The following GRIN2A variants were observed in gnomAD, a reference collection of about 807,000 sequenced individuals.
GRIN2A encodes the protein glutamate receptor ionotropic, NMDA 2A.
In GRIN2A, 22 loss-of-function variants were observed where a neutral mutation model predicts 113.4. The observed-to-expected ratio is 0.19, with a 90% CI of 0.14 to 0.28. The LOEUF is 0.28. Among genes scored for constraint, GRIN2A ranks in the 10% least tolerant of loss-of-function variants. The pLI, the probability that GRIN2A is intolerant of heterozygous loss-of-function variation, is 1.00. For missense variants in GRIN2A, 1,502 were observed against 1,887.0 expected, an observed-to-expected ratio of 0.80 and a Z score of 3.78; for synonymous variants, 827 against 738.4, an observed-to-expected ratio of 1.12 and a Z score of -1.94.
At chr16:10,067,369 G>C (rs17671033) in intron 2 of GRIN2A, among the ~76,000 whole-genome samples, 1 of 151,736 alleles carries the variant, frequency 6.6e-6, no homozygotes, top group African/African-American at 2.4e-5. Context: ...TTATCTCCCC[G>C]TAAACATACT....
chr16:9,783,186 G>A (rs1049041244), intron 11 of GRIN2A, among the ~76,000 whole-genome samples: 1 of 152,146 alleles, frequency 6.6e-6, no homozygotes, highest in African/African-American at 2.4e-5. Flanking sequence ...ACATACGTGG[G>A]AGCAATAATG....
At chr16:9,874,453 T>A (rs994067039) in intron 4 of GRIN2A, among the ~76,000 whole-genome samples, 5 of 152,220 alleles carry the variant, frequency 3.3e-5, no homozygotes, top group African/African-American at 1.2e-4. Flanking sequence ...AACAGACATG[T>A]GGTTCAGCAG....
At chr16:9,910,865 C>T (rs1400022368) in intron 3 of GRIN2A, among the ~76,000 whole-genome samples, 1 of 152,000 alleles carries the variant, frequency 6.6e-6, no homozygotes, top group Non-Finnish European at 1.5e-5. Context: ...CAATCTTCTG[C>T]CCCTGAATCA....
At chr16:9,836,770 A>C (rs1361547705) in intron 7 of GRIN2A, among the ~76,000 whole-genome samples, 4 of 152,252 alleles carry the variant, frequency 2.6e-5, no homozygotes, top group African/African-American at 9.6e-5. Flanking sequence ...ATAGTGTCTA[A>C]GGAGTGACCC....
rs761213659 is a variant in GRIN2A at position 9,763,529 on chromosome 16, TC to T, written c.4014del (p.Ser1341AlafsTer56). The T allele has an allele frequency of 2.5e-6, 4 of 1,613,994 alleles. No individual in the cohort carries two copies. The highest frequency in any genetic ancestry group is 3.4e-6 in the Non-Finnish European group (4 of 1,179,988). On this transcript the variant is annotated frameshift_variant, in exon 13 of 13. Coordinates refer to ENST00000330684, the MANE Select transcript of GRIN2A (RefSeq NM_001134407.3). LOFTEE classifies it high-confidence loss of function. ...LFSVPSSKLS[G>X]KKSSLFPQGL... Reference sequence around the variant, plus strand: ...CCTTGGGGGAAAAGGGAGCTTTTTTTCCCCGAGAGTTTGCTTGAGGGGACAC... The same window carrying T: ...CCTTGGGGGAAAAGGGAGCTTTTTTTCCCGAGAGTTTGCTTGAGGGGACAC...
intron 10 of GRIN2A, among the ~76,000 whole-genome samples, chr16:9,799,750 C>T (rs1482061048): frequency 6.6e-6 from 1 of 152,122 alleles, no homozygotes; most frequent in African/African-American, 2.4e-5. Flanking sequence ...CATGTGAATA[C>T]ACATAGCACT....
chr16:10,026,433 T>A (rs1372527985), intron 2 of GRIN2A, among the ~76,000 whole-genome samples: 3 of 151,502 alleles, frequency 2.0e-5, no homozygotes, highest in Admixed American at 1.3e-4. Flanking sequence ...TTTCTCTGCA[T>A]CTTGAAGGTA....
In GRIN2A at chr16:9,924,958, G is replaced by A. The variant is rs116491551; in HGVS notation, c.1007+13001C>T. Among the ~76,000 whole-genome samples, 1,330 of 152,200 alleles carry A rather than the reference G, an allele frequency of 8.7e-3. 22 individuals carry two copies. The highest frequency in any genetic ancestry group is 0.03 in the African/African-American group (1,258 of 41,520). ...ACTCTCTATAGTAATAGCCCCATGT[G>A]CCAATTCCAACATTCATTTAAATCT... On this transcript the variant is annotated intron_variant, in intron 3 of 12. Transcript: ENST00000330684.
chr16:9,791,586 C>T (rs117505950), intron 11 of GRIN2A, among the ~76,000 whole-genome samples: 2 of 152,228 alleles, frequency 1.3e-5, no homozygotes, highest in East Asian at 1.9e-4. Context: ...ACCCCAGACT[C>T]GGATGTCAGC....
intron 2 of GRIN2A, among the ~76,000 whole-genome samples, chr16:9,940,764 A>G (rs1211480507): frequency 6.6e-6 from 1 of 152,186 alleles, no homozygotes; most frequent in East Asian, 1.9e-4. Context: ...GAACTACCCA[A>G]CCATCCAATA....
chr16:9,863,189 C>A (rs1567354394), intron 4 of GRIN2A, among the ~76,000 whole-genome samples: 1 of 152,136 alleles, frequency 6.6e-6, no homozygotes, highest in Non-Finnish European at 1.5e-5. Flanking sequence ...CAAACATGAG[C>A]AGTTTGGTTT....
chr16:9,934,416 C>T (rs972954250), intron 3 of GRIN2A, among the ~76,000 whole-genome samples: 1 of 152,060 alleles, frequency 6.6e-6, no homozygotes, highest in Non-Finnish European at 1.5e-5. Context: ...TGTGGTGGCT[C>T]ATGCCTGTAA....
intron 4 of GRIN2A, among the ~76,000 whole-genome samples, chr16:9,856,424 T>A (rs1596503002): frequency 6.6e-6 from 1 of 151,246 alleles, no homozygotes; most frequent in African/African-American, 2.4e-5. Context: ...ATCGAGACCA[T>A]CCTGGCTAAC....
chr16:9,822,165 T>C (rs183052363), intron 10 of GRIN2A, 99 bp downstream of exon 10: 138 of 1,254,096 alleles, frequency 1.1e-4, no homozygotes, highest in East Asian at 2.8e-4. Flanking sequence ...TCTCCAGAAA[T>C]ACAATGGGAG....
intron 2 of GRIN2A, among the ~76,000 whole-genome samples, chr16:10,176,842 G>GTAAAAA (rs1024817599): frequency 3.3e-5 from 5 of 151,946 alleles, no homozygotes; most frequent in Admixed American, 6.5e-5. Flanking sequence ...AGAACTTAAA[G>GTAAAAA]TAAAAATAAA....
chr16:10,138,352 A>G (rs192453836), intron 2 of GRIN2A, among the ~76,000 whole-genome samples: 1 of 152,272 alleles, frequency 6.6e-6, no homozygotes, highest in Admixed American at 6.5e-5. Context: ...TAATTGACTC[A>G]CCGCTTGGCA....
chr16:9,801,041 T>C (rs1282570371), intron 10 of GRIN2A, among the ~76,000 whole-genome samples: 2 of 152,188 alleles, frequency 1.3e-5, no homozygotes, highest in African/African-American at 4.8e-5. Context: ...TCCTTTTGGA[T>C]TTCTGGTTTC....
At chr16:10,158,286 T>C (rs1230316687) in intron 2 of GRIN2A, among the ~76,000 whole-genome samples, 1 of 152,226 alleles carries the variant, frequency 6.6e-6, no homozygotes, top group Non-Finnish European at 1.5e-5. Flanking sequence ...ATTACAGGCG[T>C]GAGCCACTGT....
chr16:10,009,315 T>A lies in GRIN2A; in HGVS notation c.415-70764A>T, dbSNP rs150810890. Among the ~76,000 whole-genome samples the A allele has an allele frequency of 1.6e-3, 251 of 152,288 alleles. 3 individuals are homozygous for A. Among genetic ancestry groups the A allele is most frequent in the African/African-American group, 5.9e-3 (246 of 41,560 alleles). ...CCTATTCAAAACAAATAAATATTTT[T>A]AAAAATGTAATCATAGAAACACAAT... On this transcript the variant is annotated intron_variant, in intron 2 of 12. Transcript: ENST00000330684.
Sources: allele counts gnomAD v4.1 joint callset (sites outside exome capture counted in the v4.1 genomes callset), GRCh38; gene constraint gnomAD v4.1.1; transcripts MANE v1.5; gene names NCBI Gene and HGNC (gene_info 2026-07-23, HGNC 2026-07-21).